Variants in TEX11 observed in about 807,000 individuals in gnomAD.
The protein encoded by TEX11 is testis expressed 11.
Under a neutral mutation model 84.4 loss-of-function variants are expected in TEX11, and 7 were observed. The observed-to-expected ratio is 0.08, with a 90% CI of 0.05 to 0.16. The LOEUF is 0.16. TEX11 is among the 10% of genes least tolerant of loss of function. The pLI is 1.00. For missense variants in TEX11, 551 were observed against 660.5 expected (o/e 0.83, Z 1.82); for synonymous variants, 264 against 222.8 (o/e 1.18, Z -1.64).
intron 28 of TEX11, among the ~76,000 whole-genome samples, chrX:70,535,173 T>A (rs188290367): frequency 3.1e-4 from 35 of 112,656 alleles, no homozygotes; most frequent in Non-Finnish European, 6.6e-4. Flanking sequence ...GGACAAATAG[T>A]ATTCCATTGA....
At chrX:70,682,224 G>A (rs914751062) in intron 14 of TEX11, among the ~76,000 whole-genome samples, 2 of 111,071 alleles carry the variant, frequency 1.8e-5, no homozygotes, top group African/African-American at 6.5e-5. Flanking sequence ...TTTCATTCAG[G>A]GTGGGGTTCA....
intron 13 of TEX11, among the ~76,000 whole-genome samples, chrX:70,706,068 T>A (rs965463339): frequency 5.4e-5 from 6 of 111,294 alleles, no homozygotes; most frequent in African/African-American, 1.6e-4. Context: ...CAAATGTCCA[T>A]CAATGATAGA....
chrX:70,768,511 A>T (rs2090954439), intron 9 of TEX11, among the ~76,000 whole-genome samples: 1 of 110,650 alleles, frequency 9.0e-6, no homozygotes, highest in African/African-American at 3.3e-5. Context: ...GTTCCACATG[A>T]CTGGGGAGGC....
chrX:70,889,316 G>C (rs2091725664), intron 2 of TEX11, among the ~76,000 whole-genome samples: 2 of 109,707 alleles, frequency 1.8e-5, no homozygotes, highest in Non-Finnish European at 3.8e-5. Context: ...ATTTGGGAGG[G>C]TGAGGCAGGA....
chrX:70,768,007 G>A (rs1231557520), intron 9 of TEX11, among the ~76,000 whole-genome samples: 1 of 110,941 alleles, frequency 9.0e-6, no homozygotes, highest in Non-Finnish European at 1.9e-5. Flanking sequence ...GGTGAGGGGA[G>A]GTGAGGATGA....
At chrX:70,677,810 CTTTTTTTTT>C (rs35653618) in intron 15 of TEX11, among the ~76,000 whole-genome samples, 1 of 63,585 alleles carries the variant, frequency 1.6e-5, no homozygotes, top group East Asian at 4.2e-4. Flanking sequence ...CTTTTCTTTC[CTTTTTTTTT>C]TTTTTTTTTT....
chrX:70,872,281 A>G (rs757811476), intron 4 of TEX11, among the ~76,000 whole-genome samples: 5 of 112,442 alleles, frequency 4.4e-5, no homozygotes, highest in African/African-American at 1.6e-4. Context: ...AAGAGCTAGA[A>G]CTGTTCTCTA....
At chrX:70,843,710 C>A (rs2091461570) in intron 7 of TEX11, among the ~76,000 whole-genome samples, 1 of 111,716 alleles carries the variant, frequency 9.0e-6, no homozygotes, top group Non-Finnish European at 1.9e-5. Flanking sequence ...ATCTACTCAT[C>A]TGACAAAGGG....
At chrX:70,773,414 G>A (rs1002927315) in intron 9 of TEX11, among the ~76,000 whole-genome samples, 3 of 110,956 alleles carry the variant, frequency 2.7e-5, no homozygotes, top group African/African-American at 9.8e-5. Flanking sequence ...AAACTGCCTA[G>A]AAGAATATTG....
intron 9 of TEX11, among the ~76,000 whole-genome samples, chrX:70,753,226 G>T (rs1216418679): frequency 9.6e-6 from 1 of 103,772 alleles, no homozygotes; most frequent in Admixed American, 1.0e-4. Context: ...GGGGGGCGGG[G>T]AGGGCGTGCA....
At chrX:70,642,383 A>G (rs1417331769) in intron 17 of TEX11, among the ~76,000 whole-genome samples, 1 of 111,199 alleles carries the variant, frequency 9.0e-6, no homozygotes, top group Non-Finnish European at 1.9e-5. Context: ...TATTCCAATC[A>G]ATAGAAAAAG....
chrX:70,706,938 C>A (rs901035837), intron 13 of TEX11, among the ~76,000 whole-genome samples: 33 of 111,283 alleles, frequency 3.0e-4, no homozygotes, highest in African/African-American at 1.1e-3. Flanking sequence ...ATCATATAGT[C>A]CTTTAACCCA....
At position 70,700,361 on chromosome X, in the gene TEX11, C is replaced by T. The variant is rs150618131; in HGVS notation, c.1005-17536G>A. Among the ~76,000 whole-genome samples the T allele has an allele frequency of 3.0e-3, 332 of 111,896 alleles. 1 individual carries two copies. The highest frequency in any genetic ancestry group is 1.0e-2 in the African/African-American group (308 of 30,844). ...AAGTCTACAGGTACCATTTTTCCAA[C>T]AGCATGCACTCTATTTGTGTCTCTC... On this transcript the variant is annotated intron_variant, in intron 13 of 29. Transcript: ENST00000374333.
intron 4 of TEX11, among the ~76,000 whole-genome samples, chrX:70,871,821 T>A (rs1015102902): frequency 3.7e-5 from 4 of 106,828 alleles, no homozygotes; most frequent in African/African-American, 1.4e-4. Flanking sequence ...TTTCTCCTCT[T>A]CTTGCTTCCC....
intron 17 of TEX11, among the ~76,000 whole-genome samples, chrX:70,633,298 T>A (rs780984690): frequency 1.1e-4 from 12 of 112,012 alleles, no homozygotes; most frequent in South Asian, 7.5e-4. Flanking sequence ...AACAATTTTT[T>A]AAAAATTGAC....
chrX:70,639,742 G>A (rs1393985772), intron 17 of TEX11, among the ~76,000 whole-genome samples: 1 of 111,465 alleles, frequency 9.0e-6, no homozygotes, highest in Non-Finnish European at 1.9e-5. Context: ...CAAACAGAAA[G>A]GACATCCACA....
intron 28 of TEX11, among the ~76,000 whole-genome samples, chrX:70,538,461 C>T (rs1222562131): frequency 1.8e-5 from 2 of 110,875 alleles, no homozygotes; most frequent in African/African-American, 6.5e-5. Context: ...CAATTCCAGT[C>T]TCAGGGAGAC....
chrX:70,606,266 A>G (rs919688849), intron 23 of TEX11, among the ~76,000 whole-genome samples: 2 of 112,077 alleles, frequency 1.8e-5, no homozygotes, highest in Non-Finnish European at 3.8e-5. Flanking sequence ...GATAGTCTTT[A>G]TAGTTCTTTC....
chrX:70,619,978 C>A (rs2089365063), intron 20 of TEX11, among the ~76,000 whole-genome samples: 1 of 109,749 alleles, frequency 9.1e-6, no homozygotes, highest in African/African-American at 3.3e-5. Context: ...GCACCTGCCA[C>A]CACGCCCAGC....
Sources: allele counts gnomAD v4.1 joint callset (sites outside exome capture counted in the v4.1 genomes callset), GRCh38; gene constraint gnomAD v4.1.1; transcripts MANE v1.5; gene names NCBI Gene and HGNC (gene_info 2026-07-23, HGNC 2026-07-21).